HECW1: variants seen among roughly 807,000 people sequenced by gnomAD.
The protein encoded by HECW1 is HECT, C2 and WW domain containing E3 ubiquitin protein ligase 1, also known as E3 ubiquitin-protein ligase HECW1.
In HECW1, 61 loss-of-function variants were observed where a neutral mutation model predicts 182.3. The observed-to-expected ratio is 0.33, with a 90% confidence interval of 0.27 to 0.41. The LOEUF is 0.41. Ranked by LOEUF, HECW1 falls within the 10% of genes least tolerant of loss-of-function variation. The pLI is 1.00. For missense variants in HECW1, 1,739 were observed against 2,108.9 expected (o/e 0.82, Z 3.44); for synonymous variants, 859 against 832.6 (o/e 1.03, Z -0.55).
chr7:43,375,496 C>G (rs2074287264), intron 6 of HECW1, among the ~76,000 whole-genome samples: 1 of 152,058 alleles, frequency 6.6e-6, no homozygotes, highest in Non-Finnish European at 1.5e-5. Context: ...GAAATGATTG[C>G]AAGGATGTAT....
intron 2 of HECW1, among the ~76,000 whole-genome samples, chr7:43,170,402 G>A (rs560905807): frequency 1.5e-4 from 23 of 152,038 alleles, no homozygotes; most frequent in South Asian, 2.1e-4. Context: ...AAACAGGTCC[G>A]TGGTCCCAAA....
chr7:43,173,935 C>A (rs1053621901), intron 2 of HECW1, among the ~76,000 whole-genome samples: 2 of 151,854 alleles, frequency 1.3e-5, no homozygotes, highest in African/African-American at 4.8e-5. Flanking sequence ...CGACTCCTGG[C>A]TCATGTGATC....
At chr7:43,374,930 G>T (rs952272461) in intron 6 of HECW1, among the ~76,000 whole-genome samples, 1 of 151,904 alleles carries the variant, frequency 6.6e-6, no homozygotes, top group South Asian at 2.1e-4. Context: ...ATATATGTAG[G>T]TTCATAGTAG....
chr7:43,460,882 C>A (rs1390181167), intron 13 of HECW1, among the ~76,000 whole-genome samples: 1 of 152,164 alleles, frequency 6.6e-6, no homozygotes, highest in Admixed American at 6.5e-5. Context: ...GCTGTTGACT[C>A]AGTAAGGCCT....
chr7:43,473,972 T>TA (rs1350029528), intron 16 of HECW1, among the ~76,000 whole-genome samples: 1 of 152,158 alleles, frequency 6.6e-6, no homozygotes, highest in Middle Eastern at 3.4e-3. Context: ...ATGATAAACT[T>TA]AGATACCAAA....
chr7:43,327,260 C>T (rs1452516128), intron 5 of HECW1, among the ~76,000 whole-genome samples: 1 of 152,184 alleles, frequency 6.6e-6, no homozygotes, highest in African/African-American at 2.4e-5. Flanking sequence ...AGTATGACTC[C>T]ATATACATAT....
chr7:43,210,954 A>G (rs906318046), intron 2 of HECW1, among the ~76,000 whole-genome samples: 6 of 152,234 alleles, frequency 3.9e-5, no homozygotes, highest in Non-Finnish European at 7.3e-5. Context: ...CAGAGCTCCC[A>G]TACAAAAGGA....
chr7:43,521,666 A>G (rs1369410024), intron 24 of HECW1, among the ~76,000 whole-genome samples: 1 of 152,182 alleles, frequency 6.6e-6, no homozygotes, highest in African/African-American at 2.4e-5. Flanking sequence ...ACCTGAAGTC[A>G]GGAGTTCAAG....
intron 6 of HECW1, among the ~76,000 whole-genome samples, chr7:43,392,892 T>A (rs2075092628): frequency 6.6e-6 from 1 of 152,240 alleles, no homozygotes; most frequent in Non-Finnish European, 1.5e-5. Context: ...CACACTCTTT[T>A]GCTGAATTGC....
chr7:43,174,277 G>A lies in HECW1; in HGVS notation c.-32+59886G>A, dbSNP rs114622028. The stretch of plus-strand genomic sequence containing the variant: ...CTGACACATCATCATTGCTACTGGA[G>A]GATCCATGGAGATCCCTTATGAGGG... On this transcript the variant is annotated intron_variant, in intron 2 of 29. Coordinates refer to ENST00000395891, the MANE Select transcript of HECW1 (RefSeq NM_015052.5). 1.3e-3 allele frequency among the ~76,000 whole-genome samples: 195 copies of A among 152,302 alleles called. 1 individual carries two copies. The highest frequency in any genetic ancestry group is 4.4e-3 in the African/African-American group (183 of 41,556).
At chr7:43,545,466 G>A (rs948678889) in intron 26 of HECW1, among the ~76,000 whole-genome samples, 1 of 152,154 alleles carries the variant, frequency 6.6e-6, no homozygotes, top group Non-Finnish European at 1.5e-5. Flanking sequence ...CTATAATAAT[G>A]TACAGTTGAC....
At chr7:43,169,499 T>C (rs1367031379) in intron 2 of HECW1, among the ~76,000 whole-genome samples, 4 of 152,078 alleles carry the variant, frequency 2.6e-5, no homozygotes, top group Non-Finnish European at 5.9e-5. Flanking sequence ...ACCACTGGTG[T>C]CCAGAGAAAG....
Position 43,492,130 on chromosome 7 carries a change from G to T in HECW1, c.3290G>T (p.Ser1097Ile), listed in dbSNP as rs1469229714. ...TCTTTACTGGCCAGGCCAGGACACA[G>T]CTTAGTAGCTGCTATTCGAAGCCAA... ...GASLLARPGH[S>I]LVAAIRSQHQ... is the part of the protein sequence containing the mutation. The change falls in exon 18 of 30, where the codon AGC (serine) becomes ATC (isoleucine). Residue 1097 changes from serine (S) to isoleucine (I), a missense_variant. Physicochemically the swap from Ser to Ile is moderately radical, Grantham distance 142 (BLOSUM62 -2). Around this residue, in one of 5 missense-constraint regions of HECW1, gnomAD observed 971 missense variants for 1,029.1 expected, o/e 0.94. Coordinates refer to ENST00000395891, the MANE Select transcript of HECW1 (RefSeq NM_015052.5). 6.2e-7 allele frequency: 1 copy of T among 1,603,584 alleles called. No homozygotes were observed. Among genetic ancestry groups the T allele is most frequent in the Non-Finnish European group, 8.5e-7 (1 of 1,177,392 alleles).
intron 17 of HECW1, among the ~76,000 whole-genome samples, chr7:43,483,547 C>CTTTTTTTTTTTT (rs549214390): frequency 5.0e-5 from 6 of 119,038 alleles, no homozygotes; most frequent in Non-Finnish European, 8.6e-5. Flanking sequence ...CATGCAAACT[C>CTTTTTTTTTTTT]TTTTTTTTTT....
chr7:43,457,366 C>T (rs531122359), intron 13 of HECW1, among the ~76,000 whole-genome samples: 5 of 152,012 alleles, frequency 3.3e-5, no homozygotes, highest in South Asian at 2.1e-4. Context: ...TTGAGAAAGA[C>T]GAAAAAGAAT....
chr7:43,186,668 CAAAAA>C (rs112678392), intron 2 of HECW1, among the ~76,000 whole-genome samples: 2 of 93,508 alleles, frequency 2.1e-5, no homozygotes, highest in Non-Finnish European at 2.3e-5. Flanking sequence ...GACTCCGTCT[CAAAAA>C]AAAAAAAAAA....
chr7:43,563,059 G>T lies in HECW1; in HGVS notation c.*1133G>T, dbSNP rs187869343. 5.5e-5 allele frequency: 11 copies of T among 198,660 alleles called. No individual in the cohort carries two copies. The highest frequency in any genetic ancestry group is 3.1e-4 in the Admixed American group (5 of 16,184). The allele number at this position is 198,660 out of a possible 1,614,324, so 12.3% of individuals were successfully genotyped here. ...ATGGAGTTCAAGTTCCTTTGCATTC[G>T]ATTGTCCATCGGGACCACACTAGGA... On this transcript the variant is annotated 3_prime_UTR_variant, in exon 30 of 30. Coordinates refer to ENST00000395891, the MANE Select transcript of HECW1 (RefSeq NM_015052.5).
intron 3 of HECW1, among the ~76,000 whole-genome samples, chr7:43,302,674 G>C (rs1806989980): frequency 6.6e-6 from 1 of 152,190 alleles, no homozygotes; most frequent in South Asian, 2.1e-4. Flanking sequence ...CTCCTGTATG[G>C]TCCGCAGGGC....
intron 5 of HECW1, among the ~76,000 whole-genome samples, chr7:43,358,818 CTTTTTTTTTTTT>C (rs572118397): frequency 2.1e-5 from 2 of 93,454 alleles, no homozygotes; most frequent in Non-Finnish European, 4.2e-5. Context: ...AAAATATATT[CTTTTTTTTTTTT>C]TTTTTTTTTT....
Sources: allele counts gnomAD v4.1 joint callset (sites outside exome capture counted in the v4.1 genomes callset), GRCh38; gene constraint gnomAD v4.1.1; regional missense constraint gnomAD v4.1.1; transcripts MANE v1.5; gene names NCBI Gene and HGNC (gene_info 2026-07-23, HGNC 2026-07-21).